SUSD1: variants seen among roughly 807,000 people sequenced by gnomAD.
The protein encoded by SUSD1 is sushi domain-containing protein 1.
A neutral mutation model predicts 86.9 loss-of-function variants in SUSD1; 65 were observed. The observed-to-expected ratio is 0.75, with a 90% CI of 0.61 to 0.92. The LOEUF is 0.92. Among genes scored for constraint, SUSD1 ranks in the 40% least tolerant of loss-of-function variants. SUSD1 has a pLI of 0.00. For missense variants in SUSD1, 850 were observed against 929.7 expected, an observed-to-expected ratio of 0.91 and a Z score of 1.11; for synonymous variants, 346 against 350.0, an observed-to-expected ratio of 0.99 and a Z score of 0.13.
chr9:112,156,009 A>G (rs926175485), intron 2 of SUSD1, among the ~76,000 whole-genome samples: 1 of 151,680 alleles, frequency 6.6e-6, no homozygotes, highest in Non-Finnish European at 1.5e-5. Flanking sequence ...AGAAAGAAAG[A>G]GAGAGAAGGG....
intron 8 of SUSD1, among the ~76,000 whole-genome samples, chr9:112,105,832 T>G (rs2131628201): frequency 1.3e-5 from 2 of 152,286 alleles, no homozygotes; most frequent in South Asian, 4.2e-4. Context: ...TCTGTGTCAC[T>G]TTCGAATTCC....
chr9:112,047,949 A>T (rs9792545), intron 15 of SUSD1, among the ~76,000 whole-genome samples: 14,410 of 152,252 alleles, frequency 0.095, 752 homozygotes, highest in South Asian at 0.14. Context: ...CTGTTATAGC[A>T]ACACAAAACA....
intron 15 of SUSD1, among the ~76,000 whole-genome samples, chr9:112,047,611 T>C (rs1237155912): frequency 6.6e-6 from 1 of 152,174 alleles, no homozygotes; most frequent in Admixed American, 6.5e-5. Flanking sequence ...GGGAACTATT[T>C]GGGTCATGGG....
chr9:112,087,286 A>T (rs1043723194), intron 10 of SUSD1, among the ~76,000 whole-genome samples: 1 of 151,772 alleles, frequency 6.6e-6, no homozygotes, highest in African/African-American at 2.4e-5. Context: ...GGTTCAAGTG[A>T]CTCTTCTGCC....
At chr9:112,084,996 A>G (rs1829916741) in intron 10 of SUSD1, among the ~76,000 whole-genome samples, 1 of 152,148 alleles carries the variant, frequency 6.6e-6, no homozygotes, top group Non-Finnish European at 1.5e-5. Context: ...TACCTCAAAT[A>G]TGCTTCATAT....
chr9:112,138,834 T>C (rs1402160372), intron 5 of SUSD1, among the ~76,000 whole-genome samples: 2 of 152,222 alleles, frequency 1.3e-5, no homozygotes, highest in African/African-American at 2.4e-5. Flanking sequence ...TTGATTCACT[T>C]AACCAATCTC....
At chr9:112,088,934 T>C (rs1830092059) in intron 10 of SUSD1, among the ~76,000 whole-genome samples, 1 of 152,112 alleles carries the variant, frequency 6.6e-6, no homozygotes, top group Admixed American at 6.5e-5. Flanking sequence ...AAGAGAGACC[T>C]TGTCTCTACA....
At chr9:112,149,458 C>G in intron 2 of SUSD1, 59 bp from the exon 3 acceptor site, 2 of 1,581,722 alleles carry the variant, frequency 1.3e-6, no homozygotes. Context: ...CTTCAACAGC[C>G]CAGACTGTCC....
chr9:112,163,998 C>T (rs371784136), intron 1 of SUSD1, among the ~76,000 whole-genome samples: 3 of 149,664 alleles, frequency 2.0e-5, no homozygotes, highest in East Asian at 3.9e-4. Flanking sequence ...AAGACTCTGT[C>T]TCAAAAAAAA....
chr9:112,051,494 C>T (rs547001222), intron 15 of SUSD1, among the ~76,000 whole-genome samples: 9 of 144,110 alleles, frequency 6.2e-5, no homozygotes, highest in South Asian at 4.4e-4. Flanking sequence ...TACAATGGCG[C>T]GATCTCGGCT....
At chr9:112,142,603 G>A (rs1284072733) in intron 4 of SUSD1, 104 bp from the exon 5 acceptor site, 14 of 1,081,386 alleles carry the variant, frequency 1.3e-5, no homozygotes, top group Admixed American at 8.0e-5. Flanking sequence ...ACACACCCCC[G>A]AGCCATATTT....
chr9:112,151,765 C>T (rs1475647130), intron 2 of SUSD1, among the ~76,000 whole-genome samples: 5 of 151,578 alleles, frequency 3.3e-5, no homozygotes, highest in Admixed American at 2.0e-4. Flanking sequence ...AGGCCGGGTG[C>T]GGTGGCTCAT....
At chr9:112,151,053 G>A (rs949370385) in intron 2 of SUSD1, among the ~76,000 whole-genome samples, 2 of 152,230 alleles carry the variant, frequency 1.3e-5, no homozygotes, top group African/African-American at 2.4e-5. Flanking sequence ...TCTTGCCTCA[G>A]CCTCCTGGGG....
chr9:112,109,407 T>A (rs1387276920), intron 8 of SUSD1, among the ~76,000 whole-genome samples: 1 of 152,226 alleles, frequency 6.6e-6, no homozygotes, highest in Admixed American at 6.5e-5. Flanking sequence ...CAAGTCTTTA[T>A]AACAGTGCAT....
At chr9:112,083,803 T>C (rs1829864698) in intron 10 of SUSD1, among the ~76,000 whole-genome samples, 1 of 152,212 alleles carries the variant, frequency 6.6e-6, no homozygotes, top group African/African-American at 2.4e-5. Flanking sequence ...CTTCAAAATG[T>C]GCTCTTTTTG....
At chr9:112,121,084 A>T (rs546396063) in intron 6 of SUSD1, among the ~76,000 whole-genome samples, 1 of 152,198 alleles carries the variant, frequency 6.6e-6, no homozygotes, top group Non-Finnish European at 1.5e-5. Context: ...ATTAGCTCCA[A>T]TTATTAAGAC....
chr9:112,173,870 C>A, intron 1 of SUSD1: 1 of 299,356 alleles, frequency 3.3e-6, no homozygotes. Context: ...TGGGGTCCAC[C>A]CCTTTAAAAG....
At chr9:112,097,231 C>T (rs573400254) in intron 10 of SUSD1, among the ~76,000 whole-genome samples, 2 of 151,442 alleles carry the variant, frequency 1.3e-5, no homozygotes, top group Admixed American at 1.3e-4. Context: ...GAGGCTGAGG[C>T]AGGAGGATCA....
chr9:112,117,853 A>C (rs563758160), intron 6 of SUSD1, among the ~76,000 whole-genome samples: 1 of 152,324 alleles, frequency 6.6e-6, no homozygotes, highest in African/African-American at 2.4e-5. Flanking sequence ...GAAGAATGAC[A>C]GCTGAAACTG....
Sources: gnomAD v4.1 joint callset for allele counts (sites outside exome capture counted in the v4.1 genomes callset) on GRCh38, gnomAD v4.1.1 for gene constraint, MANE v1.5 for transcripts, NCBI Gene and HGNC (gene_info 2026-07-23, HGNC 2026-07-21) for gene names.